GOLGA6B: variants seen among roughly 807,000 people sequenced by gnomAD.
GOLGA6B encodes golgin subfamily A member 6B.
In GOLGA6B, 11 loss-of-function variants were observed where a neutral mutation model predicts 63.0. The ratio of observed to expected loss-of-function variants is 0.17; its 90% CI spans 0.11 to 0.29. The LOEUF is 0.29. GOLGA6B is among the 10% of genes least tolerant of loss of function. GOLGA6B has a pLI of 1.00. For missense variants in GOLGA6B, 134 were observed against 563.8 expected (o/e 0.24, Z 7.72); for synonymous variants, 46 against 232.6 (o/e 0.20, Z 7.30).
rs2064619556 is a variant in GOLGA6B at position 72,664,299 on chromosome 15, C to G, written c.1426-137C>G. 4 of 1,140,958 alleles carry G rather than the reference C, an allele frequency of 3.5e-6. 2 individuals carry two copies. Among genetic ancestry groups the G allele is most frequent in the Admixed American group, 4.4e-5 (2 of 45,610 alleles). 70.7% of individuals were successfully genotyped at this position (1,140,958 alleles called of 1,614,324 possible). On this transcript the variant is annotated intron_variant, in intron 12 of 17. Transcript: ENST00000421285. ...GTGGACCAGCTGCAGCAGCAGGAAG[C>G]TTGGGGCAAAGCGGTGGCTGAGATG...
In GOLGA6B at chr15:72,664,299, C is replaced by T; in HGVS notation, c.1426-137C>T. 2.6e-6 allele frequency: 3 copies of T among 1,140,958 alleles called. 1 individual carries two copies. The South Asian group carries it at 5.0e-5, about 19-fold the overall frequency. The allele number at this position is 1,140,958 out of a possible 1,614,324, so 70.7% of individuals were successfully genotyped here. On this transcript the variant is annotated intron_variant, in intron 12 of 17. Transcript: ENST00000421285. ...GTGGACCAGCTGCAGCAGCAGGAAG[C>T]TTGGGGCAAAGCGGTGGCTGAGATG...
Position 72,661,535 on chromosome 15 carries a change from G to A in GOLGA6B, c.728G>A (p.Trp243Ter). ...AKHIKGERAR[W>*]QERMWKMSVE... ...CACATAAAAGGAGAGAGGGCCCGGT[G>A]GCAGGAGAGGATGTGGAAAATGTCG... The change falls in exon 9 of 18, where the codon TGG (tryptophan) becomes TAG (stop). Residue 243 changes from tryptophan to a stop codon, truncating the protein, a stop_gained. Transcript: ENST00000421285. LOFTEE classifies it high-confidence loss of function. 9.2e-7 allele frequency: 1 copy of A among 1,089,162 alleles called. No individual in the cohort carries two copies. The highest frequency in any genetic ancestry group is 1.3e-5 in the South Asian group (1 of 74,916). 67.5% of individuals were successfully genotyped at this position (1,089,162 alleles called of 1,614,324 possible).
At chr15:72,662,090 C>T (rs1166421596) in intron 10 of GOLGA6B, among the ~76,000 whole-genome samples, 162 bp from the exon 11 acceptor site, 1 of 101,260 alleles carries the variant, frequency 9.9e-6, no homozygotes, top group African/African-American at 3.7e-5. Context: ...TGGAAATTGG[C>T]TACCATTGGG....
rs763586837 is a variant in GOLGA6B, at chr15:72,662,380, C to G, written c.976C>G (p.Gln326Glu). Residue 326 changes from glutamine (Q) to glutamate (E), a missense_variant, in exon 11 of 18, where the codon CAG becomes GAG. By Grantham distance (29) the Gln-to-Glu change is conservative. Transcript: ENST00000421285. ...GKLQSQVENN[Q>E]ALSLLSKEQK... ...GCTCCAATCCCAGGTGGAAAACAAT[C>G]AGGCCTTGAGTCTCCTTAGCAAGGA... The G allele has an allele frequency of 7.2e-7, 1 of 1,391,974 alleles. No homozygotes were observed. Among genetic ancestry groups the G allele is most frequent in the African/African-American group, 1.5e-5 (1 of 67,052 alleles). 86.2% of individuals were successfully genotyped at this position (1,391,974 alleles called of 1,614,324 possible).
intron 7 of GOLGA6B, 80 bp from the exon 8 acceptor site, chr15:72,661,184 A>G: frequency 6.6e-7 from 1 of 1,510,172 alleles, no homozygotes; most frequent in Non-Finnish European, 9.1e-7. Flanking sequence ...ACCGAGTTGT[A>G]TATTGAGCCT....
At chr15:72,657,485 C>T (rs1419031504) in intron 2 of GOLGA6B, among the ~76,000 whole-genome samples, 1 of 143,206 alleles carries the variant, frequency 7.0e-6, no homozygotes, top group Non-Finnish European at 1.5e-5. Context: ...CTCTGCTCTT[C>T]TTCAGCGTTT....
rs1018697202 is a variant in GOLGA6B, at chr15:72,664,324, G to C, written c.1426-112G>C. 1.0e-4 allele frequency: 122 copies of C among 1,221,218 alleles called. 23 individuals carry two copies. The Admixed American group carries it at 2.5e-3, about 25-fold the overall frequency. 75.6% of individuals were successfully genotyped at this position (1,221,218 alleles called of 1,614,324 possible). A position where few individuals can be genotyped will look rare whatever the true frequency, so the allele number is the denominator to read the frequency against. ...CTTGGGGCAAAGCGGTGGCTGAGAT[G>C]GCCGGCCAAAAGTTGCAGGAGACCC... is the stretch of plus-strand genomic sequence containing the variant. On this transcript the variant is annotated intron_variant, in intron 12 of 17. Transcript: ENST00000421285.
At position 72,664,561 on chromosome 15, in the gene GOLGA6B, G is replaced by A. The variant is rs766490613; in HGVS notation, c.1501+50G>A. 28 of 1,187,528 alleles carry A rather than the reference G, an allele frequency of 2.4e-5. 7 individuals are homozygous for A. Among genetic ancestry groups the A allele is most frequent in the South Asian group, 1.2e-4 (8 of 65,802 alleles). The allele number at this position is 1,187,528 out of a possible 1,614,324, so 73.6% of individuals were successfully genotyped here. ...AGGAGAGAGCCCCAGGAGGAAGGGG[G>A]GACTGTTAGCAGCATAGGATTGAGG... On this transcript the variant is annotated intron_variant, in intron 13 of 17. Transcript: ENST00000421285.
chr15:72,657,350 T>G (rs1316003495), intron 2 of GOLGA6B, among the ~76,000 whole-genome samples: 2 of 147,694 alleles, frequency 1.4e-5, no homozygotes, highest in Non-Finnish European at 3.0e-5. Context: ...AAGATCTGCA[T>G]TGGTCAGCTG....
Position 72,662,276 on chromosome 15 carries a change from C to T in GOLGA6B, c.872C>T (p.Pro291Leu), listed in dbSNP as rs746768374. Residue 291 changes from proline (P) to leucine (L), a missense_variant, in exon 11 of 18, where the codon CCA becomes CTA. Coordinates refer to ENST00000421285, the MANE Select transcript of GOLGA6B (RefSeq NM_018652.5). Reference sequence around the variant, plus strand: ...GCTAAGCCCCCATCCCTGGCGCCCCCAGCAGTGACCTCTGTGGTGGAACAG... The same window carrying T: ...GCTAAGCCCCCATCCCTGGCGCCCCTAGCAGTGACCTCTGTGGTGGAACAG... ...QMAKPPSLAP[P>L]AVTSVVEQLQ... The T allele has an allele frequency of 4.5e-5, 62 of 1,386,926 alleles. 12 individuals carry two copies. The Middle Eastern group carries it at 1.8e-3, about 40-fold the overall frequency. The allele number at this position is 1,386,926 out of a possible 1,614,324, so 85.9% of individuals were successfully genotyped here.
Position 72,664,798 on chromosome 15 carries a change from T to C in GOLGA6B, c.1502-146T>C. On this transcript the variant is annotated intron_variant, in intron 13 of 17. Transcript: ENST00000421285. ...GGGCAATATAGCAAGATCTTGGTTCTTAAAAGGAAAAATAAAGAACAGCAG... is the reference window on the plus strand; with the variant it reads ...GGGCAATATAGCAAGATCTTGGTTCCTAAAAGGAAAAATAAAGAACAGCAG... 3 of 501,552 alleles carry C rather than the reference T, an allele frequency of 6.0e-6. 1 individual carries two copies. Among genetic ancestry groups the C allele is most frequent in the Non-Finnish European group, 1.0e-5 (3 of 285,882 alleles). 31.1% of individuals were successfully genotyped at this position (501,552 alleles called of 1,614,324 possible).
chr15:72,664,404 G>C (rs781422939), intron 12 of GOLGA6B, 32 bp from the exon 13 acceptor site: 1 of 1,320,874 alleles, frequency 7.6e-7, no homozygotes, highest in Admixed American at 1.9e-5. Flanking sequence ...GGCAACCTCC[G>C]TGCCTTCTCA....
At position 72,662,278 on chromosome 15, in the gene GOLGA6B, G is replaced by C. The variant is rs745788129; in HGVS notation, c.874G>C (p.Ala292Pro). The C allele has an allele frequency of 4.4e-5, 61 of 1,379,734 alleles. 14 individuals are homozygous for C. The highest frequency in any genetic ancestry group is 6.0e-5 in the Non-Finnish European group (61 of 1,020,968). 85.5% of individuals were successfully genotyped at this position (1,379,734 alleles called of 1,614,324 possible). Residue 292 changes from alanine to proline, a missense_variant, in exon 11 of 18, where the codon GCA becomes CCA. Coordinates refer to ENST00000421285, the MANE Select transcript of GOLGA6B (RefSeq NM_018652.5). ...MAKPPSLAPP[A>P]VTSVVEQLQD... is the part of the protein sequence containing the mutation. The stretch of plus-strand genomic sequence containing the variant: ...TAAGCCCCCATCCCTGGCGCCCCCA[G>C]CAGTGACCTCTGTGGTGGAACAGCT...
Position 72,664,327 on chromosome 15 carries a change from C to T in GOLGA6B, c.1426-109C>T, listed in dbSNP as rs1439680461. 3.9e-5 allele frequency: 48 copies of T among 1,227,756 alleles called. 14 individuals carry two copies. In the Middle Eastern group the frequency reaches 1.1e-3, roughly 29 times the overall value. The allele number at this position is 1,227,756 out of a possible 1,614,324, so 76.1% of individuals were successfully genotyped here. On this transcript the variant is annotated intron_variant, in intron 12 of 17. Coordinates refer to ENST00000421285, the MANE Select transcript of GOLGA6B (RefSeq NM_018652.5). ...GGGGCAAAGCGGTGGCTGAGATGGC[C>T]GGCCAAAAGTTGCAGGAGACCCAGG... is the stretch of plus-strand genomic sequence containing the variant.
chr15:72,662,684 AG>A lies in GOLGA6B; in HGVS notation c.1282del (p.Glu428ArgfsTer25). On this transcript the variant is annotated frameshift_variant, in exon 11 of 18. Coordinates refer to ENST00000421285, the MANE Select transcript of GOLGA6B (RefSeq NM_018652.5). LOFTEE classifies it high-confidence loss of function. ...WKKEERLQKQ[E>X]ERLALSQNHK... Reference sequence around the variant, plus strand: ...AAGGAGGAGAGGCTACAAAAGCAGGAGGAGAGGCTCGCGCTCTCCCAGAACC... The same window carrying A: ...AAGGAGGAGAGGCTACAAAAGCAGGAGAGAGGCTCGCGCTCTCCCAGAACC... 7.2e-7 allele frequency: 1 copy of A among 1,392,220 alleles called. No individual in the cohort carries two copies. The highest frequency in any genetic ancestry group is 1.3e-5 in the South Asian group (1 of 79,784). 86.2% of individuals were successfully genotyped at this position (1,392,220 alleles called of 1,614,324 possible).
At chr15:72,656,797 C>CT (rs1226119749) in intron 2 of GOLGA6B, among the ~76,000 whole-genome samples, 166 bp downstream of exon 2, 1 of 4,318 alleles carries the variant, frequency 2.3e-4, no homozygotes, top group African/African-American at 2.4e-4. Context: ...TTGGGCCTCT[C>CT]TTTTCACATC....
At position 72,663,899 on chromosome 15, in the gene GOLGA6B, G is replaced by A. The variant is rs2577845; in HGVS notation, c.1426-537G>A. Among the ~76,000 whole-genome samples, 363 of 128,920 alleles carry A rather than the reference G, an allele frequency of 2.8e-3. 21 individuals are homozygous for A. Among genetic ancestry groups the A allele is most frequent in the Middle Eastern group, 8.5e-3 (2 of 236 alleles). The allele number at this position is 128,920 out of a possible 152,430, so 84.6% of individuals were successfully genotyped here. ...GGTGGTTGGCTCCCTCTGCTTTTCC[G>A]CCAGTCTGTGGCCTACAGTTTAAAT... is the stretch of plus-strand genomic sequence containing the variant. On this transcript the variant is annotated intron_variant, in intron 12 of 17. Transcript: ENST00000421285.
chr15:72,669,395 T>G lies in GOLGA6B; in HGVS notation c.*3053T>G, dbSNP rs1263507280. Among the ~76,000 whole-genome samples the G allele has an allele frequency of 6.6e-6, 1 of 151,182 alleles. No homozygotes were observed. On this transcript the variant is annotated 3_prime_UTR_variant, in exon 18 of 18. Transcript: ENST00000421285. ...ATACTGTAGTTTGAAAGAAAGAAAC[T>G]GGGGGAAGGAAAAGTAGAGAAAGAA...
At chr15:72,660,881 CT>C (rs1366137960) in intron 7 of GOLGA6B, among the ~76,000 whole-genome samples, 3 of 132,666 alleles carry the variant, frequency 2.3e-5, no homozygotes, top group Non-Finnish European at 4.8e-5. Flanking sequence ...TAGGCAATCA[CT>C]TAACCTTGAA....
Sources: allele counts gnomAD v4.1 joint callset (sites outside exome capture counted in the v4.1 genomes callset), GRCh38; gene constraint gnomAD v4.1.1; transcripts MANE v1.5; gene names NCBI Gene and HGNC (gene_info 2026-07-23, HGNC 2026-07-21).